Variants in ITGB6 observed in about 807,000 individuals in gnomAD.
The protein encoded by ITGB6 is integrin subunit beta 6, also known as integrin beta-6.
ITGB6 carries 80 observed loss-of-function variants against 84.5 expected under a neutral mutation model. The ratio of observed to expected loss-of-function variants is 0.95; its 90% CI spans 0.79 to 1.14. The LOEUF (loss-of-function observed/expected upper bound fraction) is 1.14. Among genes scored for constraint, ITGB6 ranks in the 50% most tolerant of loss-of-function variants. The pLI is 0.00. For missense variants in ITGB6, 1,006 were observed against 968.0 expected (o/e 1.04, Z -0.52); for synonymous variants, 383 against 354.9 (o/e 1.08, Z -0.89).
intron 7 of ITGB6, among the ~76,000 whole-genome samples, chr2:160,149,559 T>C (rs778496781): frequency 6.6e-6 from 1 of 152,132 alleles, no homozygotes; most frequent in Non-Finnish European, 1.5e-5. Flanking sequence ...CTCCAAAGAA[T>C]TGCAGCTCCT....
chr2:160,152,176 A>T (rs757865251), intron 7 of ITGB6, among the ~76,000 whole-genome samples: 30 of 152,236 alleles, frequency 2.0e-4, no homozygotes, highest in Non-Finnish European at 3.2e-4. Flanking sequence ...ATCTCTGATG[A>T]TCATCAGTGC....
intron 12 of ITGB6, among the ~76,000 whole-genome samples, chr2:160,115,916 T>G (rs1262286927): frequency 1.3e-5 from 2 of 150,654 alleles, no homozygotes; most frequent in African/African-American, 2.5e-5. Context: ...GCATCAGTGA[T>G]GGAAGATGAA....
At chr2:160,136,948 G>A (rs112894020) in intron 10 of ITGB6, among the ~76,000 whole-genome samples, 10,853 of 151,238 alleles carry the variant, frequency 0.072, 1,239 homozygotes, top group African/African-American at 0.24. Flanking sequence ...TATACCTAAT[G>A]TTAAATGATG....
At chr2:160,171,674 A>G (rs2105867147) in intron 6 of ITGB6, among the ~76,000 whole-genome samples, 1 of 152,320 alleles carries the variant, frequency 6.6e-6, no homozygotes, top group Non-Finnish European at 1.5e-5. Context: ...TGTTATAGGC[A>G]CTGTGCTATC....
chr2:160,137,540 G>A lies in ITGB6; in HGVS notation c.1554C>T (p.Tyr518=), dbSNP rs776468677. ...HPSCSGRGDC[Y]CGQCICHLSP... ...ACAAGTGGCAGATACACTGCCCACAGTAGCAGTCACCCCTTCCGCTGCAGG... is the reference window on the plus strand; with the variant it reads ...ACAAGTGGCAGATACACTGCCCACAATAGCAGTCACCCCTTCCGCTGCAGG... Residue 518 remains tyrosine (Y), a synonymous_variant, in exon 10 of 15, where the codon TAC becomes TAT. Coordinates refer to ENST00000283249, the MANE Select transcript of ITGB6 (RefSeq NM_000888.5). 3.1e-6 allele frequency: 5 copies of A among 1,614,208 alleles called. No individual in the cohort carries two copies. Among genetic ancestry groups the A allele is most frequent in the East Asian group, 2.2e-5 (1 of 44,890 alleles).
At chr2:160,187,977 G>C (rs183488225) in intron 4 of ITGB6, among the ~76,000 whole-genome samples, 2 of 152,178 alleles carry the variant, frequency 1.3e-5, no homozygotes, top group African/African-American at 4.8e-5. Context: ...TAATGAGAGC[G>C]AGAAAAAATT....
At chr2:160,144,612 T>C (rs996269766) in intron 7 of ITGB6, among the ~76,000 whole-genome samples, 1 of 152,200 alleles carries the variant, frequency 6.6e-6, no homozygotes. Flanking sequence ...TCAAGGCTCT[T>C]AGCTTTTTAT....
intron 7 of ITGB6, among the ~76,000 whole-genome samples, chr2:160,165,922 C>A (rs190430250): frequency 6.6e-6 from 1 of 152,216 alleles, no homozygotes; most frequent in South Asian, 2.1e-4. Flanking sequence ...TCAATCTTAA[C>A]AAGTGCTTGT....
intron 10 of ITGB6, among the ~76,000 whole-genome samples, chr2:160,135,051 T>C (rs373148914): frequency 3.9e-5 from 6 of 152,182 alleles, no homozygotes; most frequent in African/African-American, 1.4e-4. Flanking sequence ...GAAGTTCTGG[T>C]CAGGGCAATC....
chr2:160,191,212 A>G (rs759863943), intron 4 of ITGB6, among the ~76,000 whole-genome samples: 1 of 152,180 alleles, frequency 6.6e-6, no homozygotes, highest in Non-Finnish European at 1.5e-5. Context: ...AGAATTTTTG[A>G]GGGTATAAGT....
intron 4 of ITGB6, 75 bp from the exon 5 acceptor site, chr2:160,174,214 C>G: frequency 9.2e-7 from 1 of 1,083,886 alleles, no homozygotes; most frequent in South Asian, 1.6e-5. Flanking sequence ...AATAGCTTAG[C>G]AACATTCTCC....
chr2:160,167,555 A>T (rs1365364647), intron 7 of ITGB6, among the ~76,000 whole-genome samples: 1 of 152,222 alleles, frequency 6.6e-6, no homozygotes, highest in Non-Finnish European at 1.5e-5. Flanking sequence ...TAATAAGATT[A>T]GAAGACAGGC....
intron 10 of ITGB6, among the ~76,000 whole-genome samples, chr2:160,129,273 C>G (rs1389239302): frequency 6.6e-6 from 1 of 151,622 alleles, no homozygotes; most frequent in Non-Finnish European, 1.5e-5. Context: ...TAATGGGCTT[C>G]TGTGTCATTT....
chr2:160,123,130 G>A (rs1683105647), intron 12 of ITGB6, among the ~76,000 whole-genome samples: 2 of 152,246 alleles, frequency 1.3e-5, no homozygotes, highest in East Asian at 1.9e-4. Context: ...AAATATTTGA[G>A]GTGAAACTTT....
intron 4 of ITGB6, among the ~76,000 whole-genome samples, chr2:160,195,141 A>C (rs996796534): frequency 6.6e-6 from 1 of 152,088 alleles, no homozygotes; most frequent in Admixed American, 6.6e-5. Flanking sequence ...CCTGCCCTAT[A>C]CTGGGAGGCA....
chr2:160,193,732 G>C (rs546330315), intron 4 of ITGB6, among the ~76,000 whole-genome samples: 1 of 152,296 alleles, frequency 6.6e-6, no homozygotes, highest in East Asian at 1.9e-4. Context: ...AACATTCTTG[G>C]ACTGTGAACA....
chr2:160,136,441 A>G (rs1472216782), intron 10 of ITGB6, among the ~76,000 whole-genome samples: 1 of 152,152 alleles, frequency 6.6e-6, no homozygotes, highest in Admixed American at 6.5e-5. Flanking sequence ...GAACACTTTT[A>G]CACTGTTGGT....
intron 10 of ITGB6, among the ~76,000 whole-genome samples, chr2:160,134,270 T>C (rs1397822424): frequency 6.6e-6 from 1 of 152,124 alleles, no homozygotes; most frequent in Non-Finnish European, 1.5e-5. Context: ...GAGAATACTA[T>C]AAACACCTCT....
rs1038189073 is a variant in ITGB6, at chr2:160,195,377, G to T, written c.585C>A (p.Asn195Lys). ...FVKTTPEEIA[N>K]PCSSIPYFCL... ...GAGAATCATTTACTTACCTGCAAGG[G>T]TTGGCAATTTCTTCTGGTGTTGTTT... Residue 195 changes from asparagine (N) to lysine (K), a missense_variant, in exon 4 of 15, where the codon AAC becomes AAA. Asn to Lys is a moderately conservative substitution (Grantham distance 94, BLOSUM62 0). Coordinates refer to ENST00000283249, the MANE Select transcript of ITGB6 (RefSeq NM_000888.5). 1 of 1,614,110 alleles carries T rather than the reference G, an allele frequency of 6.2e-7. No individual in the cohort carries two copies. Among genetic ancestry groups the T allele is most frequent in the Non-Finnish European group, 8.5e-7 (1 of 1,179,972 alleles).
Sources: gnomAD v4.1 joint callset for allele counts (sites outside exome capture counted in the v4.1 genomes callset) on GRCh38, gnomAD v4.1.1 for gene constraint, MANE v1.5 for transcripts, NCBI Gene and HGNC (gene_info 2026-07-23, HGNC 2026-07-21) for gene names.